The following C3orf18 variants were observed in gnomAD, a reference collection of about 807,000 sequenced individuals.
The protein encoded by C3orf18 is uncharacterized protein C3orf18.
In C3orf18, 12 loss-of-function variants were observed where a neutral mutation model predicts 14.1. The ratio of observed to expected loss-of-function variants is 0.85; its 90% CI spans 0.55 to 1.38. The LOEUF is 1.38. Ranked by LOEUF, C3orf18 falls within the 40% of genes most tolerant of loss-of-function variation. C3orf18 has a pLI of 0.00. For missense variants in C3orf18, 196 were observed against 213.9 expected (o/e 0.92, Z 0.52); for synonymous variants, 82 against 87.9 (o/e 0.93, Z 0.38).
upstream of C3orf18, chr3:50,567,883 T>A (rs1700459252): frequency 6.6e-6 from 1 of 152,280 alleles, no homozygotes; most frequent in African/African-American, 2.4e-5. Flanking sequence ...CTGGTCGCAG[T>A]TTTTAGAGAC....
In C3orf18 at chr3:50,561,082, G is replaced by A; in HGVS notation, c.261-18C>T. 1 of 1,612,448 alleles carries A rather than the reference G, an allele frequency of 6.2e-7. No homozygotes were observed. The highest frequency in any genetic ancestry group is 8.5e-7 in the Non-Finnish European group (1 of 1,179,094). ...TCTCCAGCCTGGGGATGGGGGCAAA[G>A]GCTGCTGGGGACAGGGCAGGCCCTT... is the stretch of plus-strand genomic sequence containing the variant. On this transcript the variant is annotated intron_variant, in intron 4 of 5. Coordinates refer to ENST00000357203, the MANE Select transcript of C3orf18 (RefSeq NM_016210.5).
chr3:50,558,940 C>T lies in C3orf18; in HGVS notation c.*717G>A, dbSNP rs150241640. On this transcript the variant is annotated 3_prime_UTR_variant, in exon 6 of 6. Coordinates refer to ENST00000357203, the MANE Select transcript of C3orf18 (RefSeq NM_016210.5). ...ACTCATGCACATGCATGAGGCCTCT[C>T]GGCAGGTCTGGGGGGGCTGCATCCT... 1.1e-3 allele frequency: 1,399 copies of T among 1,287,314 alleles called. 4 individuals are homozygous for T. The highest frequency in any genetic ancestry group is 1.9e-3 in the South Asian group (151 of 80,808). 79.7% of individuals were successfully genotyped at this position (1,287,314 alleles called of 1,614,324 possible).
At chr3:50,568,204 A>G (rs903450548), upstream of C3orf18, among the ~76,000 whole-genome samples, 15 of 152,104 alleles carry the variant, frequency 9.9e-5, no homozygotes, top group Admixed American at 2.6e-4. Flanking sequence ...CGTCTACAGA[A>G]GTTGAGAGTG....
At chr3:50,572,566 G>T (rs954397923), upstream of C3orf18, among the ~76,000 whole-genome samples, 13 of 152,226 alleles carry the variant, frequency 8.5e-5, no homozygotes, top group African/African-American at 2.9e-4. Context: ...TTCTCAGGAG[G>T]CATGGAGGAA....
In C3orf18 at chr3:50,559,657, T is replaced by A. The variant is rs759755761; in HGVS notation, c.489A>T (p.Ter163CysextTer61). The A allele has an allele frequency of 6.3e-6, 10 of 1,577,092 alleles. No homozygotes were observed. Among genetic ancestry groups the A allele is most frequent in the Non-Finnish European group, 7.8e-6 (9 of 1,160,456 alleles). Residue 163 changes from the stop codon to cysteine (C), a stop_lost, in exon 6 of 6, where the codon TGA becomes TGT. Coordinates refer to ENST00000357203, the MANE Select transcript of C3orf18 (RefSeq NM_016210.5). ...GAAGTCCAGGCTTGTCCCAGGCCACTCACGCATGGATGGCATTGGCCACAT... is the reference window on the plus strand; with the variant it reads ...GAAGTCCAGGCTTGTCCCAGGCCACACACGCATGGATGGCATTGGCCACAT... ...FTDVANAIHA* is the reference protein window; with the variant it reads ...FTDVANAIHAC
At chr3:50,562,617 G>C (rs1200624653) in intron 3 of C3orf18, 1 of 453,172 alleles carries the variant, frequency 2.2e-6, no homozygotes, top group South Asian at 1.6e-5. Flanking sequence ...ACCAGAGACA[G>C]GCAGTGGCCA....
chr3:50,573,750 G>T (rs1701274106), upstream of C3orf18, among the ~76,000 whole-genome samples: 2 of 152,244 alleles, frequency 1.3e-5, no homozygotes, highest in Admixed American at 6.5e-5. Flanking sequence ...AGTGAGAATG[G>T]GTGCAGGGGA....
In C3orf18 at chr3:50,558,528, A is replaced by G. The variant is rs1198764462; in HGVS notation, c.*1129T>C. On this transcript the variant is annotated 3_prime_UTR_variant, in exon 6 of 6. Transcript: ENST00000357203. Reference sequence around the variant, plus strand: ...TGGGATGGAGGTGGGGAATTCAAACATAGACTAAGTTTTTTAGATGTTTTT... The same window carrying G: ...TGGGATGGAGGTGGGGAATTCAAACGTAGACTAAGTTTTTTAGATGTTTTT... 1 of 418,348 alleles carries G rather than the reference A, an allele frequency of 2.4e-6. No individual in the cohort carries two copies. Among genetic ancestry groups the G allele is most frequent in the Non-Finnish European group, 4.2e-6 (1 of 238,022 alleles). 25.9% of individuals were successfully genotyped at this position (418,348 alleles called of 1,614,324 possible).
At chr3:50,568,747 GAAAAAAAGA>G (rs1700562972), upstream of C3orf18, among the ~76,000 whole-genome samples, 5 of 126,302 alleles carry the variant, frequency 4.0e-5, no homozygotes, top group African/African-American at 1.5e-4. Context: ...AAAAAAAAAA[GAAAAAAAGA>G]AAAAAAAAGT....
chr3:50,564,233 C>T (rs763190354), intron 3 of C3orf18, among the ~76,000 whole-genome samples: 5 of 152,266 alleles, frequency 3.3e-5, no homozygotes, highest in Non-Finnish European at 7.3e-5. Context: ...GCCAGGCATA[C>T]TGGGGAACCT....
rs1446430333 is a variant in C3orf18, at chr3:50,565,495, T to C, written c.205A>G (p.Ile69Val). The C allele has an allele frequency of 1.2e-6, 2 of 1,613,934 alleles. No homozygotes were observed. The highest frequency in any genetic ancestry group is 1.7e-6 in the Non-Finnish European group (2 of 1,180,020). ...GCCACAGCCAGGCCTATCACCGTGA[T>C]GATCCCAAAGGACAGAAGCATGGTA... ...VGTMLLSFGI[I>V]TVIGLAVALV... Residue 69 changes from isoleucine (I) to valine (V), a missense_variant, in exon 3 of 6, where the codon ATC becomes GTC. Ile to Val is a conservative substitution (Grantham distance 29). Transcript: ENST00000357203. This position sits in a 1 kb window ranked among gnomAD's most constrained non-coding sequence, Gnocchi z 4.4.
chr3:50,574,269 G>A (rs369627953), upstream of C3orf18, among the ~76,000 whole-genome samples: 11 of 152,222 alleles, frequency 7.2e-5, no homozygotes, highest in African/African-American at 1.9e-4. Context: ...AGCCACCAGC[G>A]TTAGGCTGAG....
chr3:50,565,428 A>G lies in C3orf18; in HGVS notation c.234+38T>C. ...TTGATTAGGTTCTCTATAAATCTAA[A>G]CACTGATTATCCTCCCCCAGCCTAC... On this transcript the variant is annotated intron_variant, in intron 3 of 5. Coordinates refer to ENST00000357203, the MANE Select transcript of C3orf18 (RefSeq NM_016210.5). This position sits in a 1 kb window ranked among gnomAD's most constrained non-coding sequence, Gnocchi z 4.4. 1 of 1,454,420 alleles carries G rather than the reference A, an allele frequency of 6.9e-7. No individual in the cohort carries two copies. The highest frequency in any genetic ancestry group is 9.6e-7 in the Non-Finnish European group (1 of 1,040,292). 90.1% of individuals were successfully genotyped at this position (1,454,420 alleles called of 1,614,324 possible).
At chr3:50,572,238 C>G (rs368055857), upstream of C3orf18, 3 of 1,567,772 alleles carry the variant, frequency 1.9e-6, no homozygotes, top group Non-Finnish European at 2.6e-6. Flanking sequence ...AAGGCAGGAT[C>G]AGGATGATGG....
In C3orf18 at chr3:50,559,132, C is replaced by T. The variant is rs1699820130; in HGVS notation, c.*525G>A. 1 of 1,289,870 alleles carries T rather than the reference C, an allele frequency of 7.8e-7. No homozygotes were observed. Among genetic ancestry groups the T allele is most frequent in the Non-Finnish European group, 1.0e-6 (1 of 988,902 alleles). 79.9% of individuals were successfully genotyped at this position (1,289,870 alleles called of 1,614,324 possible). A position where few individuals can be genotyped will look rare whatever the true frequency, so the allele number is the denominator to read the frequency against. ...TCTCCTGGCATCCTTGCATACTGGACAGTTTCAGCTCCATCTCTGGGCTTC... is the reference window on the plus strand; with the variant it reads ...TCTCCTGGCATCCTTGCATACTGGATAGTTTCAGCTCCATCTCTGGGCTTC... On this transcript the variant is annotated 3_prime_UTR_variant, in exon 6 of 6. Coordinates refer to ENST00000357203, the MANE Select transcript of C3orf18 (RefSeq NM_016210.5).
intron 3 of C3orf18, chr3:50,562,285 A>G (rs1197560102): frequency 4.1e-6 from 1 of 245,224 alleles, no homozygotes; most frequent in African/African-American, 3.7e-5. Flanking sequence ...GGGAGCCCAC[A>G]CAGTTAGGCC....
Position 50,559,420 on chromosome 3 carries a change from T to C in C3orf18, c.*237A>G. The C allele has an allele frequency of 7.2e-7, 1 of 1,388,802 alleles. No individual in the cohort carries two copies. Among genetic ancestry groups the C allele is most frequent in the South Asian group, 1.5e-5 (1 of 64,540 alleles). 86.0% of individuals were successfully genotyped at this position (1,388,802 alleles called of 1,614,324 possible). A position where few individuals can be genotyped will look rare whatever the true frequency, so the allele number is the denominator to read the frequency against. ...GACCTTCTCAGCATGAGGGATGCCC[T>C]CTGTGCCAGGGCCCTCAGGTCAGGA... On this transcript the variant is annotated 3_prime_UTR_variant, in exon 6 of 6. Coordinates refer to ENST00000357203, the MANE Select transcript of C3orf18 (RefSeq NM_016210.5).
At chr3:50,566,294 A>G (rs1396239574) in intron 1 of C3orf18, among the ~76,000 whole-genome samples, 200 bp from the exon 2 acceptor site, 1 of 151,896 alleles carries the variant, frequency 6.6e-6, no homozygotes, top group East Asian at 1.9e-4. Flanking sequence ...CACTTGCCCA[A>G]GAGTCAGACA....
In C3orf18 at chr3:50,558,721, A is replaced by G. The variant is rs1179410730; in HGVS notation, c.*936T>C. On this transcript the variant is annotated 3_prime_UTR_variant, in exon 6 of 6. Coordinates refer to ENST00000357203, the MANE Select transcript of C3orf18 (RefSeq NM_016210.5). Reference sequence around the variant, plus strand: ...GCAGGTGAGCCCAGTGAAACAATGCAGTGGAGAGAGGAACCGTGCTGTGCG... The same window carrying G: ...GCAGGTGAGCCCAGTGAAACAATGCGGTGGAGAGAGGAACCGTGCTGTGCG... 7.8e-7 allele frequency: 1 copy of G among 1,289,762 alleles called. No individual in the cohort carries two copies. Among genetic ancestry groups the G allele is most frequent in the African/African-American group, 1.5e-5 (1 of 65,982 alleles). The allele number at this position is 1,289,762 out of a possible 1,614,324, so 79.9% of individuals were successfully genotyped here. A position where few individuals can be genotyped will look rare whatever the true frequency, so the allele number is the denominator to read the frequency against.
Sources: allele counts gnomAD v4.1 joint callset (sites outside exome capture counted in the v4.1 genomes callset), GRCh38; gene constraint gnomAD v4.1.1; non-coding constraint Gnocchi (gnomAD v3.1); transcripts MANE v1.5; gene names NCBI Gene and HGNC (gene_info 2026-07-23, HGNC 2026-07-21).